The following DSE variants were observed in gnomAD, a reference collection of about 807,000 sequenced individuals.
DSE encodes the protein dermatan-sulfate epimerase.
In DSE, 36 loss-of-function variants were observed where a neutral mutation model predicts 84.4. The observed-to-expected ratio is 0.43, with a 90% CI of 0.33 to 0.56. DSE has a LOEUF of 0.56. DSE is among the 20% of genes least tolerant of loss of function. DSE has a pLI of 0.06. For synonymous variants in DSE, 410 were observed against 430.1 expected (o/e 0.95, Z 0.58); for missense variants, 862 against 1,169.6 (o/e 0.74, Z 3.84).
chr6:116,414,091 A>G (rs1302385067), intron 2 of DSE, among the ~76,000 whole-genome samples: 2 of 152,140 alleles, frequency 1.3e-5, no homozygotes, highest in African/African-American at 2.4e-5. Flanking sequence ...GTGTCGGTGT[A>G]TTTGTTGCTA....
chr6:116,273,557 A>G (rs1251393889), intron 2 of DSE, among the ~76,000 whole-genome samples: 1 of 152,208 alleles, frequency 6.6e-6, no homozygotes, highest in Non-Finnish European at 1.5e-5. Flanking sequence ...ATGTTGAAGG[A>G]AAGGAAGTCA....
At chr6:116,293,133 A>G (rs1312841800) in intron 2 of DSE, among the ~76,000 whole-genome samples, 1 of 152,204 alleles carries the variant, frequency 6.6e-6, no homozygotes, top group Non-Finnish European at 1.5e-5. Context: ...ATAATTAACT[A>G]CAGAATTCAA....
intron 1 of DSE, among the ~76,000 whole-genome samples, chr6:116,371,842 G>A (rs558272937): frequency 1.3e-5 from 2 of 152,344 alleles, no homozygotes; most frequent in Admixed American, 1.3e-4. Flanking sequence ...TCTGAGCTAA[G>A]TTTGTGACCT....
chr6:116,308,180 C>T (rs1204758901), intron 2 of DSE, among the ~76,000 whole-genome samples: 2 of 152,150 alleles, frequency 1.3e-5, no homozygotes, highest in Non-Finnish European at 2.9e-5. Context: ...ATTAGACAAC[C>T]TGGTTGCTTC....
At chr6:116,314,056 C>A (rs1775836940) in intron 2 of DSE, among the ~76,000 whole-genome samples, 1 of 152,178 alleles carries the variant, frequency 6.6e-6, no homozygotes, top group Admixed American at 6.5e-5. Context: ...AGCCTCTCAG[C>A]CACTGCCTTG....
intron 2 of DSE, among the ~76,000 whole-genome samples, chr6:116,338,721 A>T (rs1213776091): frequency 6.6e-6 from 1 of 152,220 alleles, no homozygotes; most frequent in Non-Finnish European, 1.5e-5. Flanking sequence ...CACACAGCTT[A>T]TTCTATTTAC....
intron 2 of DSE, chr6:116,278,592 T>C (rs777781994): frequency 3.7e-6 from 6 of 1,614,152 alleles, no homozygotes; most frequent in Non-Finnish European, 5.1e-6. Context: ...CTCTACGGAC[T>C]CCTTCACGCA....
At chr6:116,425,738 T>C (rs1783404140) in intron 2 of DSE, among the ~76,000 whole-genome samples, 2 of 151,012 alleles carry the variant, frequency 1.3e-5, no homozygotes, top group Admixed American at 1.3e-4. Context: ...TTCTCCTGCC[T>C]CAGCCTCCCA....
intron 1 of DSE, among the ~76,000 whole-genome samples, chr6:116,381,037 A>G (rs1184235930): frequency 6.6e-6 from 1 of 152,136 alleles, no homozygotes; most frequent in East Asian, 1.9e-4. Flanking sequence ...GTGTTTGTAT[A>G]AATATTTATT....
At chr6:116,365,916 G>C (rs1779143278), upstream of DSE, among the ~76,000 whole-genome samples, 1 of 152,218 alleles carries the variant, frequency 6.6e-6, no homozygotes, top group South Asian at 2.1e-4. Flanking sequence ...CTGAGAGGTA[G>C]GGTATCACTC....
Position 116,436,441 on chromosome 6 carries a change from C to G in DSE, c.1973C>G (p.Thr658Ser). The G allele has an allele frequency of 6.2e-7, 1 of 1,614,142 alleles. No individual in the cohort carries two copies. Among genetic ancestry groups the G allele is most frequent in the Non-Finnish European group, 8.5e-7 (1 of 1,180,004 alleles). The change falls in exon 6 of 6, where the codon ACC (threonine) becomes AGC (serine). Residue 658 changes from threonine (T) to serine (S), a missense_variant. Around this residue, in one of 4 missense-constraint regions of DSE, gnomAD observed 186 missense variants for 255.1 expected, o/e 0.73. Transcript: ENST00000644252. ...ACCATGCACCTCCGAAGTCCCATCA[C>G]CAGGGCAGCTTACCTCTTCATAGGG... Reference protein sequence around the residue: ...NVTMHLRSPITRAAYLFIGPS... With the variant: ...NVTMHLRSPISRAAYLFIGPS...
chr6:116,378,251 G>A (rs554344818), intron 1 of DSE, among the ~76,000 whole-genome samples: 64 of 152,250 alleles, frequency 4.2e-4, no homozygotes, highest in Non-Finnish European at 8.5e-4. Context: ...TTCTGAAAAA[G>A]GCCTTTGAAT....
intron 2 of DSE, among the ~76,000 whole-genome samples, chr6:116,275,026 AAT>A (rs1443030853): frequency 1.3e-5 from 2 of 152,244 alleles, no homozygotes; most frequent in African/African-American, 2.4e-5. Flanking sequence ...CAATGTCAAA[AAT>A]ATTTCAACAT....
chr6:116,405,716 T>G (rs979585742), intron 2 of DSE, among the ~76,000 whole-genome samples: 2 of 152,224 alleles, frequency 1.3e-5, no homozygotes, highest in Non-Finnish European at 2.9e-5. Context: ...ATGCCGTTTA[T>G]TAAGCAGGTT....
intron 2 of DSE, among the ~76,000 whole-genome samples, chr6:116,262,404 T>C (rs938604931): frequency 6.6e-6 from 1 of 152,220 alleles, no homozygotes; most frequent in Non-Finnish European, 1.5e-5. Flanking sequence ...TTTATGAGCA[T>C]AGAGGTGTTC....
chr6:116,361,431 T>C (rs1365246846), intron 2 of DSE, among the ~76,000 whole-genome samples: 1 of 152,204 alleles, frequency 6.6e-6, no homozygotes, highest in African/African-American at 2.4e-5. Context: ...TTTTTGAGAT[T>C]TACAAAATAA....
chr6:116,363,850 A>C (rs1286024752), intron 2 of DSE, among the ~76,000 whole-genome samples: 1 of 152,248 alleles, frequency 6.6e-6, no homozygotes, highest in Non-Finnish European at 1.5e-5. Context: ...TTAATGGAGC[A>C]AATGAATCTA....
chr6:116,303,970 C>G (rs1210198209), intron 2 of DSE, among the ~76,000 whole-genome samples: 1 of 151,778 alleles, frequency 6.6e-6, no homozygotes, highest in African/African-American at 2.4e-5. Flanking sequence ...CCCGTCTGTA[C>G]TAAAAATACA....
rs1198545459 is a variant in DSE at position 116,399,182 on chromosome 6, T to C, written c.-53-16T>C. ...CTTGGCTGACAGACACTTTTTTTCC[T>C]TTTTATCTCACGTAGGATCTTTCGA... On this transcript the variant is annotated splice_polypyrimidine_tract_variant and intron_variant, in intron 1 of 5. Transcript: ENST00000644252. 6.3e-7 allele frequency: 1 copy of C among 1,599,194 alleles called. No homozygotes were observed. Among genetic ancestry groups the C allele is most frequent in the Non-Finnish European group, 8.5e-7 (1 of 1,175,534 alleles).
Sources: gnomAD v4.1 joint callset for allele counts (sites outside exome capture counted in the v4.1 genomes callset) on GRCh38, gnomAD v4.1.1 for gene constraint, gnomAD v4.1.1 regional missense constraint, MANE v1.5 for transcripts, NCBI Gene and HGNC (gene_info 2026-07-23, HGNC 2026-07-21) for gene names.